NOS1AP: variants seen among roughly 807,000 people sequenced by gnomAD.
NOS1AP encodes carboxyl-terminal PDZ ligand of neuronal nitric oxide synthase protein.
A neutral mutation model predicts 56.2 loss-of-function variants in NOS1AP; 21 were observed. The ratio of observed to expected loss-of-function variants is 0.37; its 90% CI spans 0.26 to 0.54. The LOEUF (loss-of-function observed/expected upper bound fraction) is 0.54, where lower values mean the gene tolerates loss of function less well. Among genes scored for constraint, NOS1AP ranks in the 20% least tolerant of loss-of-function variants. The pLI, the probability that NOS1AP is intolerant of heterozygous loss-of-function variation, is 0.84. For synonymous variants in NOS1AP, 270 were observed against 274.6 expected (o/e 0.98, Z 0.17); for missense variants, 522 against 657.8 (o/e 0.79, Z 2.26).
chr1:162,318,750 A>G (rs575808174), intron 4 of NOS1AP, among the ~76,000 whole-genome samples: 231 of 151,500 alleles, frequency 1.5e-3, no homozygotes, highest in Non-Finnish European at 2.9e-3. Flanking sequence ...TATCCCCTCC[A>G]TCCCTTATTT....
chr1:162,293,527 T>G (rs572887332), intron 3 of NOS1AP, among the ~76,000 whole-genome samples: 250 of 152,348 alleles, frequency 1.6e-3, no homozygotes, highest in African/African-American at 5.7e-3. Flanking sequence ...TAACATTCCT[T>G]GCCAGGAGCT....
At position 162,101,320 on chromosome 1, in the gene NOS1AP, T is replaced by C. The variant is rs149619788; in HGVS notation, c.105+31038T>C. On this transcript the variant is annotated intron_variant, in intron 1 of 9. Transcript: ENST00000361897. ...TATGTCTGTTCTTGTACCAGTACCA[T>C]GCTGTTTTGATTACTGGAGCCTTGT... Among the ~76,000 whole-genome samples the C allele has an allele frequency of 8.6e-3, 1,304 of 152,334 alleles. 12 individuals carry two copies. The highest frequency in any genetic ancestry group is 0.022 in the South Asian group (108 of 4,826).
intron 1 of NOS1AP, among the ~76,000 whole-genome samples, chr1:162,123,416 C>T (rs1387264818): frequency 2.0e-5 from 3 of 152,204 alleles, no homozygotes; most frequent in Admixed American, 2.0e-4. Context: ...AAGTGATCCA[C>T]CTGCCTCGGC....
At chr1:162,205,245 AATACAT>A (rs1191358160) in intron 2 of NOS1AP, among the ~76,000 whole-genome samples, 3 of 152,236 alleles carry the variant, frequency 2.0e-5, no homozygotes, top group African/African-American at 7.2e-5. Context: ...TGTGAGCCTG[AATACAT>A]ATCACTCCTT....
intron 1 of NOS1AP, among the ~76,000 whole-genome samples, chr1:162,072,103 T>TAGATAGAC (rs1691673446): frequency 6.6e-6 from 1 of 150,640 alleles, no homozygotes; most frequent in African/African-American, 2.4e-5. Context: ...GATAGATAGA[T>TAGATAGAC]AGATAGATAG....
intron 3 of NOS1AP, among the ~76,000 whole-genome samples, chr1:162,294,195 G>GGA: frequency 3.7e-5 from 1 of 27,182 alleles, no homozygotes; most frequent in African/African-American, 6.1e-5. Context: ...AAGGAAGGAA[G>GGA]TAAGGAAGGA....
intron 1 of NOS1AP, among the ~76,000 whole-genome samples, chr1:162,147,112 G>A (rs1172077541): frequency 1.3e-5 from 2 of 152,050 alleles, no homozygotes; most frequent in Non-Finnish European, 2.9e-5. Flanking sequence ...GGCGGATCAC[G>A]AGGTCAGGAG....
In NOS1AP at chr1:162,368,814, C is replaced by T. The variant is rs759570053; in HGVS notation, c.*1347C>T. The stretch of plus-strand genomic sequence containing the variant: ...TATGTTCGGGGAATTAAGTCTTTAT[C>T]CTAGACAACAAGGTACAGATGCAAA... On this transcript the variant is annotated 3_prime_UTR_variant, in exon 10 of 10. Transcript: ENST00000361897. 6 of 152,200 alleles carry T rather than the reference C, an allele frequency of 3.9e-5. No homozygotes were observed. Among genetic ancestry groups the T allele is most frequent in the Non-Finnish European group, 8.8e-5 (6 of 68,044 alleles). 9.4% of individuals were successfully genotyped at this position (152,200 alleles called of 1,614,324 possible).
At chr1:162,225,797 G>A (rs1025963063) in intron 2 of NOS1AP, among the ~76,000 whole-genome samples, 5 of 152,194 alleles carry the variant, frequency 3.3e-5, no homozygotes, top group African/African-American at 1.2e-4. Flanking sequence ...CACTGGCACA[G>A]TCCGTAGATT....
chr1:162,070,371 G>C lies in NOS1AP; in HGVS notation c.105+89G>C. 3.5e-6 allele frequency: 4 copies of C among 1,136,502 alleles called. No homozygotes were observed. The South Asian group carries it at 5.0e-5, about 14-fold the overall frequency. 70.4% of individuals were successfully genotyped at this position (1,136,502 alleles called of 1,614,324 possible). ...GGGATGCACAGCCGTCCTGGACCCA[G>C]AGCTGGCGGGCTAGGCCGATTTGGG... On this transcript the variant is annotated intron_variant, in intron 1 of 9. Transcript: ENST00000361897.
chr1:162,350,835 A>G (rs950552456), intron 6 of NOS1AP, among the ~76,000 whole-genome samples: 18 of 152,010 alleles, frequency 1.2e-4, no homozygotes, highest in African/African-American at 4.3e-4. Context: ...CCTGGTAACT[A>G]CCTCTTAGTT....
At chr1:162,224,968 G>T (rs1056801535) in intron 2 of NOS1AP, among the ~76,000 whole-genome samples, 2 of 152,208 alleles carry the variant, frequency 1.3e-5, no homozygotes, top group Non-Finnish European at 2.9e-5. Context: ...CATTGAAAAA[G>T]AAGCATCTCA....
intron 2 of NOS1AP, among the ~76,000 whole-genome samples, chr1:162,161,600 T>C (rs576138600): frequency 7.9e-5 from 12 of 152,308 alleles, no homozygotes; most frequent in Admixed American, 2.0e-4. Flanking sequence ...TGCCTCCTTT[T>C]TTTTTTCCCT....
intron 1 of NOS1AP, among the ~76,000 whole-genome samples, chr1:162,117,112 G>C (rs936795654): frequency 3.3e-5 from 5 of 152,184 alleles, no homozygotes; most frequent in African/African-American, 1.2e-4. Flanking sequence ...CCTGTGGACA[G>C]CATTAATCAA....
intron 4 of NOS1AP, among the ~76,000 whole-genome samples, chr1:162,307,936 T>G (rs1655893101): frequency 6.6e-6 from 1 of 152,104 alleles, no homozygotes; most frequent in Non-Finnish European, 1.5e-5. Flanking sequence ...GGAAGAAGGG[T>G]TGCATGGAGA....
chr1:162,198,530 G>T (rs982396722), intron 2 of NOS1AP, among the ~76,000 whole-genome samples: 5 of 152,092 alleles, frequency 3.3e-5, no homozygotes, highest in African/African-American at 9.7e-5. Context: ...AACGATGCAG[G>T]GTCTTGAATT....
chr1:162,140,017 C>T (rs914162624), intron 1 of NOS1AP, among the ~76,000 whole-genome samples: 2 of 152,080 alleles, frequency 1.3e-5, no homozygotes, highest in African/African-American at 4.8e-5. Flanking sequence ...TCAGTAGAGA[C>T]AAGGTTTTGC....
chr1:162,313,805 T>G lies in NOS1AP; in HGVS notation c.344+13099T>G, dbSNP rs183224808. On this transcript the variant is annotated intron_variant, in intron 4 of 9. Transcript: ENST00000361897. The stretch of plus-strand genomic sequence containing the variant: ...ATGAGGGAGGGAAAGGAGGCCCCAG[T>G]GATCTCAGGTTGAAGCTTCAGTGCT... 3.0e-3 allele frequency among the ~76,000 whole-genome samples: 460 copies of G among 152,304 alleles called. 1 individual carries two copies. The highest frequency in any genetic ancestry group is 0.011 in the African/African-American group (447 of 41,556).
intron 4 of NOS1AP, among the ~76,000 whole-genome samples, chr1:162,323,332 C>T (rs563358599): frequency 1.7e-4 from 26 of 152,314 alleles, no homozygotes; most frequent in African/African-American, 6.0e-4. Context: ...AGGAATCAGC[C>T]TTGATTTTTG....
Sources: gnomAD v4.1 joint callset for allele counts (sites outside exome capture counted in the v4.1 genomes callset) on GRCh38, gnomAD v4.1.1 for gene constraint, MANE v1.5 for transcripts, NCBI Gene and HGNC (gene_info 2026-07-23, HGNC 2026-07-21) for gene names.